The following NLGN1 variants were observed in gnomAD, a reference collection of about 807,000 sequenced individuals.
The protein encoded by NLGN1 is neuroligin 1, also known as neuroligin-1.
Under a neutral mutation model 65.5 loss-of-function variants are expected in NLGN1, and 12 were observed. The ratio of observed to expected loss-of-function variants is 0.18; its 90% CI spans 0.12 to 0.30. The LOEUF (loss-of-function observed/expected upper bound fraction) is 0.30. Among genes scored for constraint, NLGN1 ranks in the 10% least tolerant of loss-of-function variants. NLGN1 has a pLI of 1.00. For missense variants in NLGN1, 750 were observed against 1,007.1 expected (o/e 0.74, Z 3.46); for synonymous variants, 350 against 359.5 (o/e 0.97, Z 0.30).
Position 173,578,714 on chromosome 3 carries a change from A to C in NLGN1, c.-320-25565A>C, listed in dbSNP as rs75220128. On this transcript the variant is annotated intron_variant, in intron 2 of 6. Coordinates refer to ENST00000457714, the Ensembl canonical transcript of NLGN1. Reference sequence around the variant, plus strand: ...AATTTTATACAATTTAACTCATTCTATACTACATTGCAATGTCAAAATCAA... The same window carrying C: ...AATTTTATACAATTTAACTCATTCTCTACTACATTGCAATGTCAAAATCAA... Among the ~76,000 whole-genome samples, 1,385 of 152,336 alleles carry C rather than the reference A, an allele frequency of 9.1e-3. 30 individuals carry two copies. The highest frequency in any genetic ancestry group is 0.032 in the African/African-American group (1,325 of 41,578).
chr3:174,163,236 C>T (rs1027945102), intron 4 of NLGN1, among the ~76,000 whole-genome samples: 1 of 151,952 alleles, frequency 6.6e-6, no homozygotes, highest in African/African-American at 2.4e-5. Flanking sequence ...AAGTTACCCA[C>T]TTTAAAAATT....
intron 4 of NLGN1, among the ~76,000 whole-genome samples, chr3:173,855,605 G>A (rs758569000): frequency 5.3e-5 from 8 of 152,028 alleles, no homozygotes; most frequent in Non-Finnish European, 1.0e-4. Context: ...CACAAACTGA[G>A]AGACATATCA....
At chr3:174,267,162 C>T (rs1171926028) in intron 4 of NLGN1, among the ~76,000 whole-genome samples, 2 of 152,128 alleles carry the variant, frequency 1.3e-5, no homozygotes, top group Admixed American at 6.5e-5. Flanking sequence ...TAAAGGAATA[C>T]GTAAGGCTGG....
At chr3:173,402,339 G>A (rs1717847554) in intron 1 of NLGN1, among the ~76,000 whole-genome samples, 1 of 152,070 alleles carries the variant, frequency 6.6e-6, no homozygotes, top group Non-Finnish European at 1.5e-5. Flanking sequence ...CTGATTGATT[G>A]TAATCTTTTT....
At chr3:174,264,013 C>CCA (rs1480465370) in intron 4 of NLGN1, among the ~76,000 whole-genome samples, 7 of 150,826 alleles carry the variant, frequency 4.6e-5, no homozygotes, top group Non-Finnish European at 7.4e-5. Flanking sequence ...ATATTGGCCC[C>CCA]CACTCTCTTC....
At chr3:174,281,188 A>G in exon 7 of NLGN1, 3 of 1,613,206 alleles carry the variant, frequency 1.9e-6, no homozygotes, top group Non-Finnish European at 2.5e-6. Context: ...ATGATTCCCA[A>G]CACTATACCA....
intron 2 of NLGN1, among the ~76,000 whole-genome samples, chr3:173,452,387 C>T (rs1318542955): frequency 2.6e-5 from 4 of 152,054 alleles, no homozygotes; most frequent in African/African-American, 4.8e-5. Context: ...GGGGTTTCAT[C>T]GTGTTAGCTA....
intron 4 of NLGN1, among the ~76,000 whole-genome samples, chr3:174,011,988 T>C (rs1350696336): frequency 6.6e-6 from 1 of 152,162 alleles, no homozygotes; most frequent in Non-Finnish European, 1.5e-5. Context: ...ATAGCAAATT[T>C]TGATAGATGA....
At chr3:173,596,647 G>A (rs1749539676) in intron 2 of NLGN1, among the ~76,000 whole-genome samples, 1 of 33,654 alleles carries the variant, frequency 3.0e-5, no homozygotes, top group African/African-American at 9.5e-5. Context: ...ATTACATGAT[G>A]CTCATGGCAG....
chr3:173,598,446 G>T (rs1000836831), intron 2 of NLGN1, among the ~76,000 whole-genome samples: 1 of 152,088 alleles, frequency 6.6e-6, no homozygotes, highest in Admixed American at 6.6e-5. Context: ...CTTGTGGTGG[G>T]GTATGAACAC....
intron 4 of NLGN1, chr3:174,136,725 A>G (rs540713992): frequency 1.2e-4 from 19 of 152,268 alleles, no homozygotes; most frequent in African/African-American, 4.3e-4. Flanking sequence ...AAAAACAGGT[A>G]GCTTTATTGC....
At chr3:173,459,798 A>G (rs1328739682) in intron 2 of NLGN1, among the ~76,000 whole-genome samples, 1 of 152,076 alleles carries the variant, frequency 6.6e-6, no homozygotes, top group Non-Finnish European at 1.5e-5. Context: ...GTCCTCAGTA[A>G]TTTGCAGTTA....
chr3:173,708,737 C>G lies in NLGN1; in HGVS notation c.494-98943C>G, dbSNP rs560728330. Among the ~76,000 whole-genome samples the G allele has an allele frequency of 3.3e-5, 5 of 152,226 alleles. No homozygotes were observed. In the East Asian group the frequency reaches 9.7e-4, roughly 29 times the overall value. ...TGACGTACAGGACCCAGGGGCCCAC[C>G]TTGCCTAGATGTAGGGGTGGTAATG... is the stretch of plus-strand genomic sequence containing the variant. On this transcript the variant is annotated intron_variant, in intron 3 of 6. Transcript: ENST00000457714.
At chr3:174,066,858 T>C (rs892830409) in intron 4 of NLGN1, among the ~76,000 whole-genome samples, 2 of 152,102 alleles carry the variant, frequency 1.3e-5, no homozygotes, top group African/African-American at 4.8e-5. Flanking sequence ...ATGACTGTTC[T>C]GGTGTTTGAT....
At chr3:174,121,170 A>C (rs1561091708) in intron 4 of NLGN1, among the ~76,000 whole-genome samples, 1 of 152,322 alleles carries the variant, frequency 6.6e-6, no homozygotes, top group East Asian at 1.9e-4. Context: ...CAGGCCAAGC[A>C]CATATGCTCA....
At chr3:173,900,455 G>A (rs773543787) in intron 4 of NLGN1, among the ~76,000 whole-genome samples, 26 of 151,988 alleles carry the variant, frequency 1.7e-4, no homozygotes, top group African/African-American at 2.2e-4. Flanking sequence ...CTGGCCAAAC[G>A]TAGACAGAAA....
chr3:173,667,536 T>A (rs1235467423), intron 3 of NLGN1, among the ~76,000 whole-genome samples: 1 of 152,200 alleles, frequency 6.6e-6, no homozygotes, highest in East Asian at 1.9e-4. Context: ...AATTGCAGAC[T>A]TTAATTGAAT....
chr3:173,707,159 C>T (rs1473286452), intron 3 of NLGN1, among the ~76,000 whole-genome samples: 1 of 152,188 alleles, frequency 6.6e-6, no homozygotes, highest in East Asian at 1.9e-4. Context: ...TTTAAATCCA[C>T]AGATACTTCA....
chr3:174,282,527 G>C (rs1751656223), exon 7 of NLGN1: 1 of 152,158 alleles, frequency 6.6e-6, no homozygotes, highest in Non-Finnish European at 1.5e-5. Context: ...TCTCAGTAGA[G>C]TACAACGTAG....
Sources: allele counts gnomAD v4.1 joint callset (sites outside exome capture counted in the v4.1 genomes callset), GRCh38; gene constraint gnomAD v4.1.1; transcripts MANE v1.5; gene names NCBI Gene and HGNC (gene_info 2026-07-23, HGNC 2026-07-21).